Variants in COL23A1 observed in about 807,000 individuals in gnomAD.
COL23A1 encodes collagen type XXIII alpha 1 chain, also known as collagen alpha-1(XXIII) chain.
COL23A1 carries 97 observed loss-of-function variants against 99.3 expected under a neutral mutation model. That is an observed-to-expected ratio of 0.98 (90% CI 0.83 to 1.16). The LOEUF (loss-of-function observed/expected upper bound fraction) is 1.16. COL23A1 is among the 50% of genes most tolerant of loss of function. The pLI is 0.00. For missense variants in COL23A1, 762 were observed against 757.4 expected (o/e 1.01, Z -0.07); for synonymous variants, 320 against 308.2 (o/e 1.04, Z -0.40).
intron 2 of COL23A1, among the ~76,000 whole-genome samples, chr5:178,322,903 C>G (rs1264634380): frequency 6.6e-6 from 1 of 152,156 alleles, no homozygotes; most frequent in Non-Finnish European, 1.5e-5. Context: ...TGGGCTGTGC[C>G]CCCAGTGGGT....
At chr5:178,354,263 T>A (rs1433860820) in intron 2 of COL23A1, among the ~76,000 whole-genome samples, 1 of 152,144 alleles carries the variant, frequency 6.6e-6, no homozygotes, top group Non-Finnish European at 1.5e-5. Context: ...CAGGCTGGAG[T>A]GCAATCGTGA....
chr5:178,523,145 TATATATATATATATATAC>T (rs1484708630), intron 2 of COL23A1, among the ~76,000 whole-genome samples: 4,196 of 52,440 alleles, frequency 0.08, 118 homozygotes, highest in Admixed American at 0.11. Context: ...TATTTAAAAA[TATATATATATATATATAC>T]ATATATATAT....
Position 178,247,765 on chromosome 5 carries a change from C to G in COL23A1, c.1269+10G>C, listed in dbSNP as rs1561786259. On this transcript the variant is annotated intron_variant, in intron 21 of 28. Coordinates refer to ENST00000390654, the MANE Select transcript of COL23A1 (RefSeq NM_173465.4). Reference sequence around the variant, plus strand: ...CTGCTTCAAACCAAACCAAAGCAAACCGTCCTTACCATCGGGCCTGGGGGG... The same window carrying G: ...CTGCTTCAAACCAAACCAAAGCAAAGCGTCCTTACCATCGGGCCTGGGGGG... 1 of 1,613,206 alleles carries G rather than the reference C, an allele frequency of 6.2e-7. No homozygotes were observed. The highest frequency in any genetic ancestry group is 1.3e-5 in the African/African-American group (1 of 75,038).
chr5:178,300,258 A>G (rs1460506988), intron 3 of COL23A1, among the ~76,000 whole-genome samples: 1 of 139,314 alleles, frequency 7.2e-6, no homozygotes, highest in East Asian at 2.1e-4. Context: ...TTTTTTTTTC[A>G]GTAGAGACCA....
chr5:178,373,062 C>T (rs1581253212), intron 2 of COL23A1, among the ~76,000 whole-genome samples: 1 of 151,416 alleles, frequency 6.6e-6, no homozygotes, highest in African/African-American at 2.4e-5. Context: ...CCGAGTACAG[C>T]TTCAGATTTC....
chr5:178,387,993 C>G lies in COL23A1; in HGVS notation c.362-81074G>C, dbSNP rs1312693133. On this transcript the variant is annotated intron_variant, in intron 2 of 28. Coordinates refer to ENST00000390654, the MANE Select transcript of COL23A1 (RefSeq NM_173465.4). The surrounding 1 kb of genome is among the most constrained non-coding windows in gnomAD (Gnocchi z 4.7). ...ATTGATGCAGAAAGCCCCCCGCCAC[C>G]ATGGCCACCGCCCACCGACACTGCT... Among the ~76,000 whole-genome samples, 1 of 152,078 alleles carries G rather than the reference C, an allele frequency of 6.6e-6. No homozygotes were observed. Among genetic ancestry groups the G allele is most frequent in the East Asian group, 1.9e-4 (1 of 5,196 alleles).
At chr5:178,504,721 G>A (rs1335828433) in intron 2 of COL23A1, among the ~76,000 whole-genome samples, 1 of 152,152 alleles carries the variant, frequency 6.6e-6, no homozygotes, top group Admixed American at 6.5e-5. Context: ...GGCCAACAGT[G>A]TGTGTGCCTT....
At chr5:178,247,722 C>G (rs542021165) in intron 21 of COL23A1, 53 bp downstream of exon 21, 1 of 1,585,324 alleles carries the variant, frequency 6.3e-7, no homozygotes, top group Non-Finnish European at 8.7e-7. Context: ...GCCCCCACCC[C>G]GCCTCTTGGT....
At position 178,280,398 on chromosome 5, in the gene COL23A1, AGCTG is replaced by A. The variant is rs1756832279; in HGVS notation, c.441+7922_441+7925del. Among the ~76,000 whole-genome samples, 1 of 152,054 alleles carries A rather than the reference AGCTG, an allele frequency of 6.6e-6. No homozygotes were observed. Among genetic ancestry groups the A allele is most frequent in the African/African-American group, 2.4e-5 (1 of 41,414 alleles). ...GCGTCATCTCCTTGGTTCCCCCAAT[AGCTG>A]AAGGGGCCGAGGCTTGGCGGGGCCA... On this transcript the variant is annotated intron_variant, in intron 5 of 28. Transcript: ENST00000390654. This position sits in a 1 kb window ranked among gnomAD's most constrained non-coding sequence, Gnocchi z 4.9.
Position 178,307,422 on chromosome 5 carries a change from C to T in COL23A1, c.362-503G>A, listed in dbSNP as rs538724039. On this transcript the variant is annotated intron_variant, in intron 2 of 28. Transcript: ENST00000390654. This position sits in a 1 kb window ranked among gnomAD's most constrained non-coding sequence, Gnocchi z 4.2. ...AAATCCACTCATGACAGGCACTACA[C>T]GATCCGCCTGCAGTCTCCGCCACTC... is the stretch of plus-strand genomic sequence containing the variant. Among the ~76,000 whole-genome samples the T allele has an allele frequency of 1.3e-5, 2 of 152,388 alleles. No homozygotes were observed. Among genetic ancestry groups the T allele is most frequent in the South Asian group, 2.1e-4 (1 of 4,832 alleles).
intron 15 of COL23A1, 63 bp downstream of exon 15, chr5:178,256,289 CT>C: frequency 8.0e-7 from 1 of 1,250,764 alleles, no homozygotes; most frequent in South Asian, 1.8e-5. Context: ...GGGACAGGGG[CT>C]TCTGAAGCTA....
intron 2 of COL23A1, among the ~76,000 whole-genome samples, chr5:178,386,452 C>T (rs1317328732): frequency 1.3e-5 from 2 of 149,680 alleles, no homozygotes; most frequent in Non-Finnish European, 3.0e-5. Flanking sequence ...AAAAAAAAAA[C>T]GCAATACACT....
chr5:178,480,579 A>G (rs1489189543), intron 2 of COL23A1, among the ~76,000 whole-genome samples: 1 of 152,230 alleles, frequency 6.6e-6, no homozygotes, highest in Non-Finnish European at 1.5e-5. Context: ...GATATTTTTC[A>G]GCCTCCTGCT....
chr5:178,552,524 T>C (rs1762049914), intron 2 of COL23A1, among the ~76,000 whole-genome samples: 1 of 152,068 alleles, frequency 6.6e-6, no homozygotes, highest in Admixed American at 6.6e-5. Flanking sequence ...TGTATCATTT[T>C]AAAAAATTCT....
At chr5:178,367,454 C>T (rs1010000189) in intron 2 of COL23A1, among the ~76,000 whole-genome samples, 1 of 152,190 alleles carries the variant, frequency 6.6e-6, no homozygotes, top group Non-Finnish European at 1.5e-5. Flanking sequence ...CAGTGTCCTG[C>T]ACATTTATAC....
intron 2 of COL23A1, among the ~76,000 whole-genome samples, chr5:178,470,954 G>A (rs1581451456): frequency 6.6e-6 from 1 of 152,188 alleles, no homozygotes; most frequent in South Asian, 2.1e-4. Context: ...TAGACTTACT[G>A]TGAAGATCCA....
At position 178,463,842 on chromosome 5, in the gene COL23A1, G is replaced by A. The variant is rs114831971; in HGVS notation, c.361+96840C>T. Among the ~76,000 whole-genome samples the A allele has an allele frequency of 6.2e-3, 940 of 152,262 alleles. 13 individuals are homozygous for A. Among genetic ancestry groups the A allele is most frequent in the African/African-American group, 0.022 (898 of 41,544 alleles). Reference sequence around the variant, plus strand: ...GACACTGTGCAGGTATGAGCCCTTTGGCCTGCCTGGTCCATGCAGCGTAAA... The same window carrying A: ...GACACTGTGCAGGTATGAGCCCTTTAGCCTGCCTGGTCCATGCAGCGTAAA... On this transcript the variant is annotated intron_variant, in intron 2 of 28. Transcript: ENST00000390654.
At chr5:178,509,628 G>A (rs971723664) in intron 2 of COL23A1, among the ~76,000 whole-genome samples, 4 of 152,082 alleles carry the variant, frequency 2.6e-5, no homozygotes, top group Non-Finnish European at 5.9e-5. Context: ...CTTAATGATC[G>A]TGGGCTTTCC....
At chr5:178,422,367 C>T (rs913021581) in intron 2 of COL23A1, among the ~76,000 whole-genome samples, 12 of 152,166 alleles carry the variant, frequency 7.9e-5, no homozygotes, top group Non-Finnish European at 1.8e-4. Flanking sequence ...TTCTGCTTAA[C>T]GTTAGACACG....
Sources: allele counts gnomAD v4.1 joint callset (sites outside exome capture counted in the v4.1 genomes callset), GRCh38; gene constraint gnomAD v4.1.1; non-coding constraint Gnocchi (gnomAD v3.1); transcripts MANE v1.5; gene names NCBI Gene and HGNC (gene_info 2026-07-23, HGNC 2026-07-21).